KAT6A: variants seen among roughly 807,000 people sequenced by gnomAD.
KAT6A encodes lysine acetyltransferase 6A.
In KAT6A, 9 loss-of-function variants were observed where a neutral mutation model predicts 198.4. The observed-to-expected ratio is 0.05, with a 90% CI of 0.03 to 0.08. KAT6A has a LOEUF of 0.08. Among genes scored for constraint, KAT6A ranks in the 10% least tolerant of loss-of-function variants. The probability of loss-of-function intolerance (pLI) is 1.00; values close to 1 mark genes in which losing one functional copy is unlikely to be tolerated. For missense variants in KAT6A, 2,077 were observed against 2,509.9 expected (o/e 0.83, Z 3.69); for synonymous variants, 890 against 883.0 (o/e 1.01, Z -0.14).
At chr8:41,977,957 G>T (rs1442007724) in intron 6 of KAT6A, among the ~76,000 whole-genome samples, 1 of 152,144 alleles carries the variant, frequency 6.6e-6, no homozygotes, top group Non-Finnish European at 1.5e-5. Flanking sequence ...GATAATAAAG[G>T]GAGGTTGACA....
intron 2 of KAT6A, among the ~76,000 whole-genome samples, chr8:42,011,680 T>C (rs1826023964): frequency 1.3e-5 from 2 of 150,858 alleles, no homozygotes; most frequent in Admixed American, 1.3e-4. Context: ...GCAGAGGTTG[T>C]GGTGAGCTGA....
Position 42,049,139 on chromosome 8 carries a change from A to T in KAT6A, c.-162T>A. On this transcript the variant is annotated 5_prime_UTR_variant, in exon 2 of 17. Coordinates refer to ENST00000265713, the MANE Select transcript of KAT6A (RefSeq NM_006766.5). ...TCCTCCTTTCACAAAACAGAATGCC[A>T]CCCCAATTGTACTATAGAAACCAAA... is the stretch of plus-strand genomic sequence containing the variant. 1 of 704,722 alleles carries T rather than the reference A, an allele frequency of 1.4e-6. No individual in the cohort carries two copies. Among genetic ancestry groups the T allele is most frequent in the Non-Finnish European group, 2.4e-6 (1 of 419,756 alleles). 43.7% of individuals were successfully genotyped at this position (704,722 alleles called of 1,614,324 possible). A position where few individuals can be genotyped will look rare whatever the true frequency, so the allele number is the denominator to read the frequency against.
intron 2 of KAT6A, among the ~76,000 whole-genome samples, chr8:42,020,418 GTCAAAAAGCAATTT>G (rs1826475224): frequency 6.6e-6 from 1 of 152,242 alleles, no homozygotes; most frequent in East Asian, 1.9e-4. Context: ...TCATAAATCT[GTCAAAAAGCAATTT>G]TTGTGCTTAA....
intron 2 of KAT6A, among the ~76,000 whole-genome samples, chr8:42,044,765 G>A (rs1056786850): frequency 6.6e-6 from 1 of 152,214 alleles, no homozygotes; most frequent in East Asian, 1.9e-4. Flanking sequence ...CAAGCAGAGT[G>A]CCTGGCCCAC....
At chr8:42,051,726 G>A (rs1292980649) in intron 1 of KAT6A, among the ~76,000 whole-genome samples, 175 bp downstream of exon 1, 2 of 145,820 alleles carry the variant, frequency 1.4e-5, no homozygotes, top group Non-Finnish European at 3.0e-5. Flanking sequence ...GGCGCGAGGG[G>A]GCGGCCACGG....
chr8:42,030,563 TTTA>T (rs1827055938), intron 2 of KAT6A, among the ~76,000 whole-genome samples: 1 of 151,986 alleles, frequency 6.6e-6, no homozygotes, highest in African/African-American at 2.4e-5. Context: ...TTTATTTTAT[TTTA>T]TTATTATTTT....
At chr8:42,021,424 CA>C (rs933783990) in intron 2 of KAT6A, among the ~76,000 whole-genome samples, 1 of 152,112 alleles carries the variant, frequency 6.6e-6, no homozygotes, top group Non-Finnish European at 1.5e-5. Context: ...AGGCTAAACA[CA>C]ATCTTTAAAA....
At chr8:42,037,512 T>A (rs1827439686) in intron 2 of KAT6A, among the ~76,000 whole-genome samples, 1 of 152,100 alleles carries the variant, frequency 6.6e-6, no homozygotes, top group Non-Finnish European at 1.5e-5. Flanking sequence ...TTTACTAAGC[T>A]CAAAGAATTA....
chr8:41,965,472 A>G (rs1823425221), intron 8 of KAT6A, among the ~76,000 whole-genome samples: 1 of 152,326 alleles, frequency 6.6e-6, no homozygotes, highest in Admixed American at 6.5e-5. Context: ...GACTTTCTGC[A>G]TTACCTTTAT....
At chr8:41,986,829 G>C (rs1824633346) in intron 3 of KAT6A, among the ~76,000 whole-genome samples, 1 of 152,196 alleles carries the variant, frequency 6.6e-6, no homozygotes, top group East Asian at 1.9e-4. Flanking sequence ...CCTGAGGTCG[G>C]GAGTTTGAGA....
intron 2 of KAT6A, among the ~76,000 whole-genome samples, chr8:42,005,428 G>C (rs1217967618): frequency 1.3e-5 from 2 of 152,200 alleles, no homozygotes; most frequent in Non-Finnish European, 2.9e-5. Context: ...AGTGTGATAA[G>C]GGTGGAGAAC....
Position 41,933,755 on chromosome 8 carries a change from G to A in KAT6A, c.4465C>T (p.His1489Tyr), listed in dbSNP as rs968957496. 6 of 1,614,156 alleles carry A rather than the reference G, an allele frequency of 3.7e-6. No individual in the cohort carries two copies. The highest frequency in any genetic ancestry group is 5.1e-6 in the Non-Finnish European group (6 of 1,180,024). ...ACCGAACGGACTGACTGGCTGGGGT[G>A]AGACTGAACGGAGGAGATAGGGCTA... is the stretch of plus-strand genomic sequence containing the variant. ...HNSPISSVQS[H>Y]PSQSVRSVSS... Residue 1489 changes from histidine (H) to tyrosine (Y), a missense_variant, in exon 17 of 17, where the codon CAC (histidine) becomes TAC (tyrosine). By Grantham distance (83) the His-to-Tyr change is moderately conservative. This residue lies in a region of KAT6A where 178 missense variants were observed against 220.8 expected (regional missense o/e 0.81). Coordinates refer to ENST00000265713, the MANE Select transcript of KAT6A (RefSeq NM_006766.5). The surrounding 1 kb of genome is among the most constrained non-coding windows in gnomAD (Gnocchi z 6.2).
At chr8:42,030,870 G>A (rs1285045578) in intron 2 of KAT6A, among the ~76,000 whole-genome samples, 1 of 151,998 alleles carries the variant, frequency 6.6e-6, no homozygotes, top group Non-Finnish European at 1.5e-5. Flanking sequence ...TAACCACTGT[G>A]CTCCGCCTCT....
intron 2 of KAT6A, among the ~76,000 whole-genome samples, chr8:41,991,603 A>G (rs544037010): frequency 2.0e-5 from 3 of 152,338 alleles, no homozygotes; most frequent in African/African-American, 7.2e-5. Flanking sequence ...CTGTATGTAT[A>G]TTTTAATTAG....
At chr8:42,030,619 C>T (rs1045960919) in intron 2 of KAT6A, among the ~76,000 whole-genome samples, 4 of 151,756 alleles carry the variant, frequency 2.6e-5, no homozygotes, top group African/African-American at 9.7e-5. Context: ...GGCTGGAGTG[C>T]AGTGGCGGGA....
chr8:42,008,580 C>T (rs1017924420), intron 2 of KAT6A, among the ~76,000 whole-genome samples: 1 of 152,088 alleles, frequency 6.6e-6, no homozygotes, highest in Non-Finnish European at 1.5e-5. Flanking sequence ...CTCAAGTGAT[C>T]CGCCTGCCTC....
intron 2 of KAT6A, among the ~76,000 whole-genome samples, chr8:42,017,797 C>A (rs1208591349): frequency 6.6e-6 from 1 of 152,132 alleles, no homozygotes; most frequent in Non-Finnish European, 1.5e-5. Context: ...AGCACTCAGA[C>A]AAAAGTAGAG....
At chr8:42,045,288 G>A (rs188774641) in intron 2 of KAT6A, among the ~76,000 whole-genome samples, 26 of 152,176 alleles carry the variant, frequency 1.7e-4, no homozygotes, top group Admixed American at 1.6e-3. Flanking sequence ...ACTATAGGCA[G>A]GGTGGCTCAT....
chr8:42,042,609 G>C (rs909595041), intron 2 of KAT6A, among the ~76,000 whole-genome samples: 2 of 152,154 alleles, frequency 1.3e-5, no homozygotes, highest in Non-Finnish European at 2.9e-5. Flanking sequence ...ATGTAACTTA[G>C]AGTAGAAGGC....
Sources: allele counts gnomAD v4.1 joint callset (sites outside exome capture counted in the v4.1 genomes callset), GRCh38; gene constraint gnomAD v4.1.1; regional missense constraint gnomAD v4.1.1; non-coding constraint Gnocchi (gnomAD v3.1); transcripts MANE v1.5; gene names NCBI Gene and HGNC (gene_info 2026-07-23, HGNC 2026-07-21).